VDAC3: variants seen among roughly 807,000 people sequenced by gnomAD.
VDAC3 encodes non-selective voltage-gated ion channel VDAC3.
In VDAC3, 7 loss-of-function variants were observed where a neutral mutation model predicts 33.9. The observed-to-expected ratio is 0.21, with a 90% CI of 0.12 to 0.39. The LOEUF is 0.39. Ranked by LOEUF, VDAC3 falls within the 10% of genes least tolerant of loss-of-function variation. The pLI is 1.00. For synonymous variants in VDAC3, 100 were observed against 122.4 expected (o/e 0.82, Z 1.21); for missense variants, 261 against 334.5 (o/e 0.78, Z 1.71).
In VDAC3 at chr8:42,405,384, T is replaced by A; in HGVS notation, c.774T>A (p.Thr258=). The change falls in exon 10 of 10, where the codon ACT becomes ACA. Residue 258 remains threonine (T), a synonymous_variant. Transcript: ENST00000022615. ...TQTLRPGVKL[T]LSALIDGKNF... ...TCTTCTTCCTAGGAGTCAAATTGAC[T>A]TTATCAGCTTTAATCGATGGGAAGA... 1 of 1,613,170 alleles carries A rather than the reference T, an allele frequency of 6.2e-7. No individual in the cohort carries two copies. Among genetic ancestry groups the A allele is most frequent in the Non-Finnish European group, 8.5e-7 (1 of 1,179,926 alleles).
intron 1 of VDAC3, among the ~76,000 whole-genome samples, chr8:42,392,520 G>A (rs1230670331): frequency 6.6e-6 from 1 of 152,118 alleles, no homozygotes; most frequent in Admixed American, 6.5e-5. Flanking sequence ...AGTTTCTGTT[G>A]TTCTCGATTT....
intron 8 of VDAC3, 69 bp downstream of exon 8, chr8:42,403,530 A>G: frequency 7.0e-7 from 1 of 1,433,610 alleles, no homozygotes; most frequent in Non-Finnish European, 9.4e-7. Context: ...ATGTTGTGAT[A>G]TGAGTGTAGT....
At chr8:42,400,011 A>G (rs1802387545) in intron 6 of VDAC3, among the ~76,000 whole-genome samples, 1 of 152,198 alleles carries the variant, frequency 6.6e-6, no homozygotes, top group African/African-American at 2.4e-5. Flanking sequence ...AGCAATTCTG[A>G]AGATTGATGG....
chr8:42,398,638 A>G (rs937894111), intron 4 of VDAC3, 74 bp from the exon 5 acceptor site: 1 of 1,502,454 alleles, frequency 6.7e-7, no homozygotes, highest in African/African-American at 1.4e-5. Context: ...GATACATTGA[A>G]CACTGCTTTC....
intron 4 of VDAC3, among the ~76,000 whole-genome samples, chr8:42,396,121 G>GATGAC (rs1370701711): frequency 1.3e-5 from 2 of 152,226 alleles, no homozygotes; most frequent in Middle Eastern, 3.4e-3. Flanking sequence ...AGCCAGACCT[G>GATGAC]ATGACGGGTG....
At chr8:42,394,845 T>G (rs894110431) in intron 3 of VDAC3, among the ~76,000 whole-genome samples, 1 of 152,216 alleles carries the variant, frequency 6.6e-6, no homozygotes, top group African/African-American at 2.4e-5. Flanking sequence ...ATTCCTTTCA[T>G]TTATTTTTTT....
intron 4 of VDAC3, among the ~76,000 whole-genome samples, chr8:42,396,255 C>T (rs888410269): frequency 6.6e-6 from 1 of 152,096 alleles, no homozygotes. Context: ...GTGCAAGACT[C>T]CGTCTCAGAA....
At chr8:42,404,066 C>A (rs963860627) in intron 8 of VDAC3, among the ~76,000 whole-genome samples, 1 of 152,100 alleles carries the variant, frequency 6.6e-6, no homozygotes, top group African/African-American at 2.4e-5. Flanking sequence ...AAAAATAACA[C>A]TGAGCTGTTA....
At chr8:42,398,960 C>T in intron 5 of VDAC3, 96 bp downstream of exon 5, 1 of 1,414,676 alleles carries the variant, frequency 7.1e-7, no homozygotes, top group Non-Finnish European at 9.6e-7. Context: ...GATCTTACAA[C>T]CTATCTAGTA....
chr8:42,395,283 T>A, intron 4 of VDAC3, 150 bp downstream of exon 4: 11 of 1,242,130 alleles, frequency 8.9e-6, no homozygotes, highest in Non-Finnish European at 1.2e-5. Context: ...TCTTAGCCAA[T>A]TAAAATAAAC....
At chr8:42,399,536 T>C in intron 5 of VDAC3, 115 bp from the exon 6 acceptor site, 1 of 898,374 alleles carries the variant, frequency 1.1e-6, no homozygotes, top group South Asian at 1.8e-5. Context: ...TATTTTGCTT[T>C]CTTGAATGAC....
chr8:42,402,157 C>T, intron 7 of VDAC3, 142 bp downstream of exon 7: 1 of 937,090 alleles, frequency 1.1e-6, no homozygotes, highest in Non-Finnish European at 1.6e-6. Context: ...CATAGCAAAA[C>T]CTTGCCAGGA....
chr8:42,398,941 A>G (rs974726056), intron 5 of VDAC3, 77 bp downstream of exon 5: 14 of 1,513,760 alleles, frequency 9.2e-6, no homozygotes, highest in South Asian at 1.2e-5. Flanking sequence ...CCCAAATATA[A>G]TCAAAAGAGA....
chr8:42,396,064 T>C lies in VDAC3; in HGVS notation c.117+931T>C, dbSNP rs184057017. On this transcript the variant is annotated intron_variant, in intron 4 of 9. Transcript: ENST00000022615. The stretch of plus-strand genomic sequence containing the variant: ...CGAGGTCAGGAGATTGAGACCATCC[T>C]GGCTAATATGGTGAAACCCCGTCTC... Among the ~76,000 whole-genome samples, 987 of 151,942 alleles carry C rather than the reference T, an allele frequency of 6.5e-3. 8 individuals carry two copies. The highest frequency in any genetic ancestry group is 0.023 in the African/African-American group (940 of 41,410).
At chr8:42,396,298 T>C (rs78372087) in intron 4 of VDAC3, among the ~76,000 whole-genome samples, 3,160 of 152,278 alleles carry the variant, frequency 0.021, 79 homozygotes, top group South Asian at 0.11. Context: ...TCTCAGCAAG[T>C]AGGTTAAGTT....
intron 6 of VDAC3, among the ~76,000 whole-genome samples, chr8:42,401,423 C>T (rs1802413045): frequency 6.6e-6 from 1 of 152,160 alleles, no homozygotes. Flanking sequence ...TCTCAATCTC[C>T]TGGCCTCGTC....
intron 1 of VDAC3, among the ~76,000 whole-genome samples, chr8:42,392,322 G>T (rs966515768): frequency 6.6e-6 from 1 of 152,234 alleles, no homozygotes; most frequent in Non-Finnish European, 1.5e-5. Flanking sequence ...AAACGGAGAA[G>T]CGAGGAACGA....
intron 4 of VDAC3, chr8:42,396,702 G>C (rs774398799): frequency 2.9e-6 from 2 of 686,286 alleles, no homozygotes; most frequent in East Asian, 5.5e-5. Flanking sequence ...AAGCTTATTC[G>C]TATGCTTGTT....
At chr8:42,403,285 T>C in intron 7 of VDAC3, 26 bp from the exon 8 acceptor site, 1 of 1,613,010 alleles carries the variant, frequency 6.2e-7, no homozygotes, top group South Asian at 1.1e-5. Flanking sequence ...TAGATATTTA[T>C]GACGTTTTCT....
Sources: gnomAD v4.1 joint callset for allele counts (sites outside exome capture counted in the v4.1 genomes callset) on GRCh38, gnomAD v4.1.1 for gene constraint, MANE v1.5 for transcripts, NCBI Gene and HGNC (gene_info 2026-07-23, HGNC 2026-07-21) for gene names.